Variants in SCRN1 observed in about 807,000 individuals in gnomAD.
SCRN1 encodes secernin 1, also known as secernin-1.
A neutral mutation model predicts 43.3 loss-of-function variants in SCRN1; 19 were observed. That is an observed-to-expected ratio of 0.44 (90% CI 0.31 to 0.64). The LOEUF (loss-of-function observed/expected upper bound fraction) is 0.64. SCRN1 is among the 30% of genes least tolerant of loss of function. SCRN1 has a pLI of 0.09. For synonymous variants in SCRN1, 183 were observed against 188.9 expected, an observed-to-expected ratio of 0.97 and a Z score of 0.26; for missense variants, 447 against 524.1, an observed-to-expected ratio of 0.85 and a Z score of 1.44.
intron 2 of SCRN1, among the ~76,000 whole-genome samples, chr7:29,964,921 G>A (rs918655527): frequency 2.0e-5 from 3 of 151,584 alleles, no homozygotes; most frequent in Admixed American, 1.3e-4. Context: ...TAGCCTGGGC[G>A]ACAAAGCTAG....
chr7:29,957,274 T>C (rs1267727716), intron 2 of SCRN1, among the ~76,000 whole-genome samples: 2 of 152,246 alleles, frequency 1.3e-5, no homozygotes, highest in African/African-American at 4.8e-5. Flanking sequence ...CCTGTCCTTT[T>C]GGCTGGGGAG....
intron 1 of SCRN1, among the ~76,000 whole-genome samples, chr7:29,974,201 T>C (rs542671519): frequency 2.0e-5 from 3 of 152,320 alleles, no homozygotes; most frequent in African/African-American, 7.2e-5. Flanking sequence ...CAGGAGAGAA[T>C]AGCAATTTAG....
At chr7:29,966,480 G>A (rs778854883) in intron 2 of SCRN1, among the ~76,000 whole-genome samples, 25 of 152,130 alleles carry the variant, frequency 1.6e-4, no homozygotes, top group Non-Finnish European at 1.0e-4. Context: ...AGATAGAAAC[G>A]TTCAGGGAGG....
At chr7:29,975,164 A>G (rs1298496153) in intron 1 of SCRN1, among the ~76,000 whole-genome samples, 5 of 152,248 alleles carry the variant, frequency 3.3e-5, no homozygotes, top group African/African-American at 1.2e-4. Context: ...CGAATATAAA[A>G]ACTTAGAACA....
At chr7:29,957,435 G>A (rs574160978) in intron 2 of SCRN1, among the ~76,000 whole-genome samples, 151 of 152,232 alleles carry the variant, frequency 9.9e-4, no homozygotes, top group Non-Finnish European at 1.6e-3. Flanking sequence ...CCTCTTTGCC[G>A]TTCCATTCCA....
chr7:29,936,782 C>T (rs1302672207), intron 5 of SCRN1, 61 bp from the exon 6 acceptor site: 1 of 1,376,172 alleles, frequency 7.3e-7, no homozygotes, highest in Non-Finnish European at 9.7e-7. Flanking sequence ...CGCGGTGGCT[C>T]ACGCCTGTAA....
In SCRN1 at chr7:29,950,183, C is replaced by T. The variant is rs1787874144; in HGVS notation, c.341+4996G>A. 1.3e-5 allele frequency among the ~76,000 whole-genome samples: 2 copies of T among 152,210 alleles called. No individual in the cohort carries two copies. The highest frequency in any genetic ancestry group is 6.5e-5 in the Admixed American group (1 of 15,290). ...GGCTTGGAAGTGCCTGCTTCCTGCTCCCTGACCTCTTCCCGCTTCCCAGCA... is the reference window on the plus strand; with the variant it reads ...GGCTTGGAAGTGCCTGCTTCCTGCTTCCTGACCTCTTCCCGCTTCCCAGCA... On this transcript the variant is annotated intron_variant, in intron 3 of 7. Transcript: ENST00000242059. The surrounding 1 kb of genome is among the most constrained non-coding windows in gnomAD (Gnocchi z 4.5).
chr7:29,971,674 A>T (rs1285112293), intron 1 of SCRN1, among the ~76,000 whole-genome samples: 3 of 152,056 alleles, frequency 2.0e-5, no homozygotes, highest in Non-Finnish European at 4.4e-5. Context: ...TTTGACTGTT[A>T]AAATAGAGCA....
At chr7:29,942,450 T>C (rs1236833219) in intron 4 of SCRN1, among the ~76,000 whole-genome samples, 2 of 152,232 alleles carry the variant, frequency 1.3e-5, no homozygotes, top group African/African-American at 4.8e-5. Flanking sequence ...CGCTCAGCTT[T>C]TGAAACGCAG....
chr7:29,944,636 C>G (rs1787669952), intron 3 of SCRN1, among the ~76,000 whole-genome samples: 1 of 140,662 alleles, frequency 7.1e-6, no homozygotes, highest in Non-Finnish European at 1.5e-5. Context: ...ACACTCCAGT[C>G]TGGGCATCAG....
rs113598220 is a variant in SCRN1, at chr7:29,923,791, G to A, written c.*166C>T. 9 of 721,878 alleles carry A rather than the reference G, an allele frequency of 1.2e-5. No individual in the cohort carries two copies. Among genetic ancestry groups the A allele is most frequent in the South Asian group, 5.3e-5 (3 of 56,448 alleles). 44.7% of individuals were successfully genotyped at this position (721,878 alleles called of 1,614,324 possible). A position where few individuals can be genotyped will look rare whatever the true frequency, so the allele number is the denominator to read the frequency against. On this transcript the variant is annotated 3_prime_UTR_variant, in exon 8 of 8. Coordinates refer to ENST00000242059, the MANE Select transcript of SCRN1 (RefSeq NM_014766.5). ...GGAGACCTACATTGCAGAAGGGGAC[G>A]CTGTGAGATTCAAGGTGGAACACAA...
In SCRN1 at chr7:29,921,770, G is replaced by T. The variant is rs978323268; in HGVS notation, c.*2187C>A. 1 of 152,220 alleles carries T rather than the reference G, an allele frequency of 6.6e-6. No individual in the cohort carries two copies. The highest frequency in any genetic ancestry group is 2.4e-5 in the African/African-American group (1 of 41,440). The allele number at this position is 152,220 out of a possible 1,614,324, so 9.4% of individuals were successfully genotyped here. On this transcript the variant is annotated 3_prime_UTR_variant, in exon 8 of 8. Coordinates refer to ENST00000242059, the MANE Select transcript of SCRN1 (RefSeq NM_014766.5). ...TTCCCAATGGGTAATGACATAAAGC[G>T]GGTAGGGTTATCCATGGCCTTTGTT...
At chr7:29,961,966 C>A (rs1277588366) in intron 2 of SCRN1, among the ~76,000 whole-genome samples, 6 of 151,924 alleles carry the variant, frequency 3.9e-5, no homozygotes. Flanking sequence ...AAGGGAGAAC[C>A]GCCTGGAAAG....
At chr7:29,932,110 C>T (rs112829932) in intron 6 of SCRN1, among the ~76,000 whole-genome samples, 13 of 138,432 alleles carry the variant, frequency 9.4e-5, no homozygotes, top group Admixed American at 2.1e-4. Context: ...TTAAGGATGG[C>T]GGCTCTGGGG....
At chr7:29,967,410 A>T (rs1330072868) in intron 2 of SCRN1, among the ~76,000 whole-genome samples, 7 of 120,846 alleles carry the variant, frequency 5.8e-5, no homozygotes, top group African/African-American at 1.3e-4. Flanking sequence ...TTTTTTTTTT[A>T]AAGAGATGGG....
Position 29,920,625 on chromosome 7 carries a change from C to T in SCRN1, c.*3332G>A, listed in dbSNP as rs992530021. ...GGCTGAGAGCTCAACTGAAGACCTT[C>T]CCCAATAAATGACAGATGGCTCTTC... On this transcript the variant is annotated 3_prime_UTR_variant, in exon 8 of 8. Transcript: ENST00000242059. 1 of 152,218 alleles carries T rather than the reference C, an allele frequency of 6.6e-6. No homozygotes were observed. The highest frequency in any genetic ancestry group is 1.5e-5 in the Non-Finnish European group (1 of 68,068). The allele number at this position is 152,218 out of a possible 1,614,324, so 9.4% of individuals were successfully genotyped here.
rs1030984606 is a variant in SCRN1 at position 29,950,585 on chromosome 7, G to A, written c.341+4594C>T. Among the ~76,000 whole-genome samples, 1 of 152,204 alleles carries A rather than the reference G, an allele frequency of 6.6e-6. No homozygotes were observed. The highest frequency in any genetic ancestry group is 1.5e-5 in the Non-Finnish European group (1 of 68,038). On this transcript the variant is annotated intron_variant, in intron 3 of 7. Transcript: ENST00000242059. The surrounding 1 kb of genome is among the most constrained non-coding windows in gnomAD (Gnocchi z 4.5). ...GCAGCCCAGAGTGAGAACTTATGGT[G>A]CTTTTTCCAGGCTTGCCCATGACCC...
intron 2 of SCRN1, among the ~76,000 whole-genome samples, chr7:29,958,098 G>A (rs192275823): frequency 3.3e-5 from 5 of 152,294 alleles, no homozygotes; most frequent in East Asian, 1.9e-4. Flanking sequence ...GCACCAGACC[G>A]AAAGCCAGGC....
chr7:29,941,146 T>A (rs987448212), intron 4 of SCRN1, among the ~76,000 whole-genome samples: 1 of 152,230 alleles, frequency 6.6e-6, no homozygotes, highest in Non-Finnish European at 1.5e-5. Context: ...ACAGGAAATA[T>A]GTAAGGCTCT....
Sources: allele counts gnomAD v4.1 joint callset (sites outside exome capture counted in the v4.1 genomes callset), GRCh38; gene constraint gnomAD v4.1.1; non-coding constraint Gnocchi (gnomAD v3.1); transcripts MANE v1.5; gene names NCBI Gene and HGNC (gene_info 2026-07-23, HGNC 2026-07-21).